The following VGLL4 variants were observed in gnomAD, a reference collection of about 807,000 sequenced individuals.
VGLL4 encodes the protein transcription cofactor vestigial-like protein 4.
VGLL4 carries 7 observed loss-of-function variants against 21.0 expected under a neutral mutation model. The ratio of observed to expected loss-of-function variants is 0.33; its 90% CI spans 0.19 to 0.63. VGLL4 has a LOEUF of 0.63. Among genes scored for constraint, VGLL4 ranks in the 20% least tolerant of loss-of-function variants. The pLI is 0.78. For missense variants in VGLL4, 394 were observed against 425.7 expected (o/e 0.93, Z 0.66); for synonymous variants, 222 against 173.2 (o/e 1.28, Z -2.21).
chr3:11,702,778 G>A (rs2125405089), intron 2 of VGLL4: 2 of 337,968 alleles, frequency 5.9e-6, no homozygotes, highest in Non-Finnish European at 1.1e-5. Flanking sequence ...CCATAGTTAA[G>A]TGCCAGTTAA....
Position 11,574,785 on chromosome 3 carries a change from A to ATGTGTGTGTGTGTGTGTGTG in VGLL4, c.273-9786_273-9767dup, listed in dbSNP as rs375691226. ...ACAATTACTGTCAATTCAACTATAT[A>ATGTGTGTGTGTGTGTGTGTG]TGTGTGTGTGTGTGTGTGTGTGTGT... On this transcript the variant is annotated intron_variant, in intron 2 of 4. Transcript: ENST00000430365. 1.7e-4 allele frequency among the ~76,000 whole-genome samples: 21 copies of ATGTGTGTGTGTGTGTGTGTG among 121,774 alleles called. No homozygotes were observed. In the East Asian group the frequency reaches 2.1e-3, roughly 12 times the overall value. 79.9% of individuals were successfully genotyped at this position (121,774 alleles called of 152,430 possible).
intron 1 of VGLL4, among the ~76,000 whole-genome samples, chr3:11,641,791 T>C (rs2075692416): frequency 6.6e-6 from 1 of 152,108 alleles, no homozygotes; most frequent in South Asian, 2.1e-4. Context: ...TCTAGTTTCC[T>C]GGGTGTTGCA....
At chr3:11,625,763 T>G (rs2075341499) in intron 1 of VGLL4, among the ~76,000 whole-genome samples, 1 of 151,968 alleles carries the variant, frequency 6.6e-6, no homozygotes, top group Non-Finnish European at 1.5e-5. Context: ...TACAAGGAAC[T>G]ACTACTCAGC....
intron 2 of VGLL4, among the ~76,000 whole-genome samples, chr3:11,660,344 C>T (rs908168811): frequency 1.3e-5 from 2 of 152,094 alleles, no homozygotes; most frequent in African/African-American, 4.8e-5. Flanking sequence ...TTTGATCATA[C>T]CACTTTTCTC....
chr3:11,706,934 G>A (rs776890581), intron 1 of VGLL4, among the ~76,000 whole-genome samples: 7 of 152,124 alleles, frequency 4.6e-5, no homozygotes, highest in Non-Finnish European at 7.3e-5. Flanking sequence ...TGGCCTTCAG[G>A]TTGATACTTA....
chr3:11,654,206 T>C (rs987548357), intron 2 of VGLL4, among the ~76,000 whole-genome samples: 1 of 152,220 alleles, frequency 6.6e-6, no homozygotes, highest in Non-Finnish European at 1.5e-5. Context: ...CATCATTCTC[T>C]GATACAGCAC....
chr3:11,593,728 T>A (rs1300522338), intron 2 of VGLL4, among the ~76,000 whole-genome samples: 1 of 152,072 alleles, frequency 6.6e-6, no homozygotes, highest in Non-Finnish European at 1.5e-5. Context: ...AATCGGGACA[T>A]CGGGCTCCAG....
chr3:11,695,127 T>C (rs1333997530), intron 2 of VGLL4, among the ~76,000 whole-genome samples: 1 of 150,388 alleles, frequency 6.6e-6, no homozygotes, highest in Non-Finnish European at 1.5e-5. Context: ...CTCGGCTCAC[T>C]GCAACCTCTG....
chr3:11,636,432 G>T (rs1456613847), intron 1 of VGLL4, among the ~76,000 whole-genome samples: 1 of 152,178 alleles, frequency 6.6e-6, no homozygotes, highest in Non-Finnish European at 1.5e-5. Context: ...ATTTTAGATG[G>T]TGCATAATGC....
chr3:11,564,170 C>T (rs2073305959), intron 3 of VGLL4, among the ~76,000 whole-genome samples: 1 of 152,186 alleles, frequency 6.6e-6, no homozygotes, highest in Non-Finnish European at 1.5e-5. Flanking sequence ...ATATATTTCC[C>T]CAGGAACCCC....
At chr3:11,574,779 CTA>C (rs533578386) in intron 2 of VGLL4, among the ~76,000 whole-genome samples, 1,497 of 121,694 alleles carry the variant, frequency 0.012, 18 homozygotes, top group African/African-American at 0.023. Flanking sequence ...GTCAATTCAA[CTA>C]TATATGTGTG....
chr3:11,673,443 G>A (rs918784777), intron 2 of VGLL4, among the ~76,000 whole-genome samples: 5 of 151,538 alleles, frequency 3.3e-5, no homozygotes, highest in Admixed American at 1.3e-4. Context: ...GAAAGGGGGG[G>A]AAGTAGACTA....
intron 2 of VGLL4, among the ~76,000 whole-genome samples, chr3:11,677,214 G>T (rs1024673328): frequency 6.6e-6 from 1 of 152,030 alleles, no homozygotes; most frequent in African/African-American, 2.4e-5. Context: ...GTGCCAACTG[G>T]TACTCCCATA....
In VGLL4 at chr3:11,558,250, C is replaced by CT; in HGVS notation, c.*305_*306insA. 2.1e-6 allele frequency: 1 copy of CT among 472,610 alleles called. No homozygotes were observed. Among genetic ancestry groups the CT allele is most frequent in the South Asian group, 3.1e-5 (1 of 32,662 alleles). The allele number at this position is 472,610 out of a possible 1,614,324, so 29.3% of individuals were successfully genotyped here. ...TGTGACTGAGAAAGCGCTGTGGAGTCCTGGCCCCGTCGGGGCAGCAGACCT... is the reference window on the plus strand; with the variant it reads ...TGTGACTGAGAAAGCGCTGTGGAGTCTCTGGCCCCGTCGGGGCAGCAGACCT... On this transcript the variant is annotated 3_prime_UTR_variant, in exon 5 of 5. Transcript: ENST00000430365.
chr3:11,661,622 C>T (rs2076040470), intron 2 of VGLL4, among the ~76,000 whole-genome samples: 1 of 151,994 alleles, frequency 6.6e-6, no homozygotes, highest in African/African-American at 2.4e-5. Context: ...CAGGTGTCCA[C>T]CACCACGCCC....
chr3:11,708,081 C>A (rs1421309958), intron 1 of VGLL4, among the ~76,000 whole-genome samples: 1 of 152,174 alleles, frequency 6.6e-6, no homozygotes, highest in Non-Finnish European at 1.5e-5. Flanking sequence ...CACTTCCAAT[C>A]TATGTAACCC....
At chr3:11,662,308 C>A (rs911497699) in intron 2 of VGLL4, among the ~76,000 whole-genome samples, 2 of 152,162 alleles carry the variant, frequency 1.3e-5, no homozygotes, top group Non-Finnish European at 2.9e-5. Context: ...TTAAAAAATT[C>A]ATTAGAATAA....
chr3:11,575,488 C>T (rs543406659), intron 2 of VGLL4, among the ~76,000 whole-genome samples: 70 of 152,250 alleles, frequency 4.6e-4, no homozygotes, highest in Admixed American at 1.3e-3. Flanking sequence ...GAAGGAGCTC[C>T]GAGGGCAAAG....
chr3:11,576,830 G>C (rs1345087661), intron 2 of VGLL4, among the ~76,000 whole-genome samples: 1 of 152,234 alleles, frequency 6.6e-6, no homozygotes, highest in Non-Finnish European at 1.5e-5. Context: ...AAGGCAGAGG[G>C]TGGAGAGAGA....
Sources: allele counts gnomAD v4.1 joint callset (sites outside exome capture counted in the v4.1 genomes callset), GRCh38; gene constraint gnomAD v4.1.1; transcripts MANE v1.5; gene names NCBI Gene and HGNC (gene_info 2026-07-23, HGNC 2026-07-21).